Variants in ALK observed in about 807,000 individuals in gnomAD.
ALK encodes the protein ALK receptor tyrosine kinase, also known as ALK tyrosine kinase receptor.
ALK carries 74 observed loss-of-function variants against 163.1 expected under a neutral mutation model. That is an observed-to-expected ratio of 0.45 (90% CI 0.38 to 0.55). ALK has a LOEUF of 0.55. Ranked by LOEUF, ALK falls within the 20% of genes least tolerant of loss-of-function variation. ALK has a pLI of 0.00. For synonymous variants in ALK, 960 were observed against 843.2 expected, an observed-to-expected ratio of 1.14 and a Z score of -2.40; for missense variants, 2,063 against 2,105.3, an observed-to-expected ratio of 0.98 and a Z score of 0.39.
At chr2:29,874,584 G>T (rs1429058744) in intron 1 of ALK, among the ~76,000 whole-genome samples, 1 of 152,180 alleles carries the variant, frequency 6.6e-6, no homozygotes, top group Non-Finnish European at 1.5e-5. Flanking sequence ...TGGGGATTTT[G>T]TCTCCAAATT....
chr2:29,634,786 C>T (rs924093795), intron 3 of ALK, among the ~76,000 whole-genome samples: 6 of 152,012 alleles, frequency 3.9e-5, no homozygotes, highest in Non-Finnish European at 4.4e-5. Flanking sequence ...GGCAAAAATA[C>T]ATAAATAACA....
intron 3 of ALK, among the ~76,000 whole-genome samples, chr2:29,643,337 C>A (rs1042139204): frequency 1.3e-5 from 2 of 152,178 alleles, no homozygotes; most frequent in South Asian, 2.1e-4. Flanking sequence ...CTGAACATAA[C>A]AAAGTTGACT....
rs552396595 is a variant in ALK at position 29,204,032 on chromosome 2, C to A, written c.3938+3139G>T. Among the ~76,000 whole-genome samples the A allele has an allele frequency of 9.9e-5, 15 of 151,930 alleles. No homozygotes were observed. In the East Asian group the frequency reaches 1.4e-3, roughly 14 times the overall value. Reference sequence around the variant, plus strand: ...TTCCATCTCTTTTTAGGTTTATTTTCTGGAAGGTTTATTTAGCTTCACACT... The same window carrying A: ...TTCCATCTCTTTTTAGGTTTATTTTATGGAAGGTTTATTTAGCTTCACACT... On this transcript the variant is annotated intron_variant, in intron 26 of 28. Coordinates refer to ENST00000389048, the MANE Select transcript of ALK (RefSeq NM_004304.5).
chr2:29,495,269 C>T (rs1041995744), intron 4 of ALK, among the ~76,000 whole-genome samples: 1 of 152,114 alleles, frequency 6.6e-6, no homozygotes, highest in Non-Finnish European at 1.5e-5. Flanking sequence ...GGCTCTCTGG[C>T]TTCTGGTTGT....
At chr2:29,378,343 TA>T (rs1668808314) in intron 5 of ALK, among the ~76,000 whole-genome samples, 1 of 152,220 alleles carries the variant, frequency 6.6e-6, no homozygotes, top group Non-Finnish European at 1.5e-5. Context: ...ATTCAATTTC[TA>T]CATGGCAAGG....
At chr2:29,858,491 G>T (rs1165347139) in intron 1 of ALK, among the ~76,000 whole-genome samples, 1 of 151,790 alleles carries the variant, frequency 6.6e-6, no homozygotes, top group Admixed American at 6.6e-5. Flanking sequence ...CCAGCACTTT[G>T]GGAGGTCAAA....
intron 4 of ALK, among the ~76,000 whole-genome samples, chr2:29,400,935 A>G (rs1248420605): frequency 6.6e-6 from 1 of 151,832 alleles, no homozygotes; most frequent in Non-Finnish European, 1.5e-5. Flanking sequence ...AAGTCGCACC[A>G]TTGCACTCCA....
chr2:29,850,620 G>A (rs1665966080), intron 1 of ALK, among the ~76,000 whole-genome samples: 1 of 152,130 alleles, frequency 6.6e-6, no homozygotes, highest in South Asian at 2.1e-4. Context: ...ACAACCTCAA[G>A]GATAGCTTCA....
intron 3 of ALK, among the ~76,000 whole-genome samples, chr2:29,692,743 T>C (rs1371883167): frequency 6.6e-6 from 1 of 152,184 alleles, no homozygotes; most frequent in Non-Finnish European, 1.5e-5. Flanking sequence ...GTGTTAGGGA[T>C]CCCTGTTCTA....
At chr2:29,652,177 C>A (rs1252821188) in intron 3 of ALK, among the ~76,000 whole-genome samples, 2 of 151,918 alleles carry the variant, frequency 1.3e-5, no homozygotes, top group African/African-American at 2.4e-5. Flanking sequence ...TAAAATAGCA[C>A]CTAGAGATGT....
At chr2:29,565,938 T>A (rs902300213) in intron 3 of ALK, among the ~76,000 whole-genome samples, 9 of 152,192 alleles carry the variant, frequency 5.9e-5, no homozygotes, top group African/African-American at 2.2e-4. Context: ...GGACTGCTAT[T>A]AGCACTCAGA....
At position 29,492,674 on chromosome 2, in the gene ALK, C is replaced by T. The variant is rs149772453; in HGVS notation, c.1154+39241G>A. Among the ~76,000 whole-genome samples, 248 of 152,228 alleles carry T rather than the reference C, an allele frequency of 1.6e-3. 2 individuals are homozygous for T. The highest frequency in any genetic ancestry group is 5.8e-3 in the African/African-American group (242 of 41,526). On this transcript the variant is annotated intron_variant, in intron 4 of 28. Transcript: ENST00000389048. ...GGGTGAGGAACTTCCTCCTGCTGTT[C>T]GTAAGGATTCTTAAAGATGATTTTT...
chr2:29,439,225 G>T (rs1670476454), intron 4 of ALK, among the ~76,000 whole-genome samples: 1 of 152,130 alleles, frequency 6.6e-6, no homozygotes. Flanking sequence ...ACATGTAGCT[G>T]CTTTAAATAG....
intron 12 of ALK, among the ~76,000 whole-genome samples, chr2:29,242,997 C>T (rs1417758580): frequency 6.6e-6 from 1 of 152,240 alleles, no homozygotes; most frequent in African/African-American, 2.4e-5. Flanking sequence ...GTAGCTCCCT[C>T]ATCAGTCCCC....
At chr2:29,601,338 G>A (rs747118063) in intron 3 of ALK, among the ~76,000 whole-genome samples, 40 of 152,092 alleles carry the variant, frequency 2.6e-4, no homozygotes, top group Non-Finnish European at 4.9e-4. Context: ...CTGGTGCCTC[G>A]GTTTCCCCAT....
intron 4 of ALK, among the ~76,000 whole-genome samples, chr2:29,529,637 A>T (rs768856774): frequency 2.0e-5 from 3 of 152,220 alleles, no homozygotes; most frequent in Non-Finnish European, 4.4e-5. Context: ...CAGCTGGCCA[A>T]GGCACCCACA....
intron 1 of ALK, among the ~76,000 whole-genome samples, chr2:29,821,867 G>A (rs914418318): frequency 6.6e-6 from 1 of 152,096 alleles, no homozygotes; most frequent in Non-Finnish European, 1.5e-5. Flanking sequence ...TAGCCTTTCC[G>A]AAGATGAGCA....
intron 5 of ALK, 65 bp downstream of exon 5, chr2:29,383,667 G>T (rs758356306): frequency 4.7e-5 from 76 of 1,606,616 alleles, no homozygotes; most frequent in Non-Finnish European, 6.0e-5. Flanking sequence ...AAACATGGTT[G>T]CAGGTTATTG....
chr2:29,863,324 G>A (rs1184164076), intron 1 of ALK, among the ~76,000 whole-genome samples: 2 of 152,180 alleles, frequency 1.3e-5, no homozygotes, highest in Non-Finnish European at 2.9e-5. Flanking sequence ...AATCAACACA[G>A]TGAAGAGACA....
Sources: allele counts gnomAD v4.1 joint callset (sites outside exome capture counted in the v4.1 genomes callset), GRCh38; gene constraint gnomAD v4.1.1; transcripts MANE v1.5; gene names NCBI Gene and HGNC (gene_info 2026-07-23, HGNC 2026-07-21).